ZMAT1: variants seen among roughly 807,000 people sequenced by gnomAD.
ZMAT1 encodes the protein zinc finger matrin-type 1.
In ZMAT1, 11 loss-of-function variants were observed where a neutral mutation model predicts 18.5. The observed-to-expected ratio is 0.59, with a 90% CI of 0.37 to 0.98. The LOEUF (loss-of-function observed/expected upper bound fraction) is 0.98. Ranked by LOEUF, ZMAT1 falls within the 50% of genes least tolerant of loss-of-function variation. The probability of loss-of-function intolerance (pLI) is 0.01; values close to 1 mark genes in which losing one functional copy is unlikely to be tolerated. For missense variants in ZMAT1, 525 were observed against 496.2 expected, an observed-to-expected ratio of 1.06 and a Z score of -0.55; for synonymous variants, 211 against 176.4, an observed-to-expected ratio of 1.20 and a Z score of -1.55.
intron 1 of ZMAT1, among the ~76,000 whole-genome samples, chrX:101,904,967 C>T (rs764614864): frequency 9.0e-6 from 1 of 111,107 alleles, no homozygotes; most frequent in South Asian, 3.8e-4. Flanking sequence ...AACCTGAAAA[C>T]CAACCAAACA....
chrX:101,897,008 CTT>C (rs367923447), intron 4 of ZMAT1, among the ~76,000 whole-genome samples: 1 of 108,628 alleles, frequency 9.2e-6, no homozygotes, highest in African/African-American at 3.3e-5. Context: ...GAGTCAGTAA[CTT>C]TTTTTTTGCC....
At chrX:101,927,840 A>C (rs1930150980) in intron 1 of ZMAT1, among the ~76,000 whole-genome samples, 1 of 112,366 alleles carries the variant, frequency 8.9e-6, no homozygotes, top group African/African-American at 3.2e-5. Context: ...ATCCTAACTG[A>C]TATGTAATAA....
chrX:101,921,090 G>T (rs767123780), intron 1 of ZMAT1, among the ~76,000 whole-genome samples: 1 of 109,972 alleles, frequency 9.1e-6, no homozygotes, highest in East Asian at 2.8e-4. Context: ...TTAATTCTCC[G>T]AAGTTGAGGC....
chrX:101,919,701 C>T (rs1009065275), intron 1 of ZMAT1, among the ~76,000 whole-genome samples: 8 of 111,153 alleles, frequency 7.2e-5, no homozygotes, highest in Non-Finnish European at 1.1e-4. Flanking sequence ...TGATTTTGAA[C>T]GAAACTTTAA....
intron 1 of ZMAT1, among the ~76,000 whole-genome samples, chrX:101,917,611 C>T (rs1929422078): frequency 8.9e-6 from 1 of 112,416 alleles, no homozygotes; most frequent in East Asian, 2.8e-4. Flanking sequence ...AGTACAACTA[C>T]TAAGGAGACC....
At chrX:101,911,418 C>G (rs1166659852) in intron 1 of ZMAT1, 1 of 433,316 alleles carries the variant, frequency 2.3e-6, no homozygotes, top group East Asian at 4.2e-5. Context: ...GTATAAACTA[C>G]TCTTATCCTA....
chrX:101,884,257 A>C lies in ZMAT1; in HGVS notation c.1341T>G (p.Asp447Glu). 8.3e-7 allele frequency: 1 copy of C among 1,203,719 alleles called. No individual in the cohort carries two copies. Among genetic ancestry groups the C allele is most frequent in the Non-Finnish European group, 1.1e-6 (1 of 892,370 alleles). ...WLPTHSKRTYDSFQDELEDYI... is the reference protein window; with the variant it reads ...WLPTHSKRTYESFQDELEDYI... Reference sequence around the variant, plus strand: ...AATCTTCAAGTTCATCTTGGAAAGAATCATATGTCCTCTTTGAATGGGTTG... The same window carrying C: ...AATCTTCAAGTTCATCTTGGAAAGACTCATATGTCCTCTTTGAATGGGTTG... Residue 447 changes from aspartate to glutamate, a missense_variant, in exon 6 of 6, where the codon GAT becomes GAG. Physicochemically the swap from Asp to Glu is conservative, Grantham distance 45. Transcript: ENST00000651725.
chrX:101,911,671 C>T, intron 1 of ZMAT1: 1 of 1,206,788 alleles, frequency 8.3e-7, no homozygotes, highest in South Asian at 1.8e-5. Context: ...ACGAATGCAA[C>T]CAGTGTGGCA....
At chrX:101,889,699 A>G (rs189433423) in intron 4 of ZMAT1, 1 of 111,697 alleles carries the variant, frequency 9.0e-6, no homozygotes, top group Non-Finnish European at 1.9e-5. Flanking sequence ...CTGGTCTAAC[A>G]TCTTAAACGG....
At position 101,898,233 on chromosome X, in the gene ZMAT1, A is replaced by G. The variant is rs370545442; in HGVS notation, c.400-13T>C. On this transcript the variant is annotated splice_polypyrimidine_tract_variant and intron_variant, in intron 2 of 5. Transcript: ENST00000651725. ...CATGTTTTTCACCCTGAAAAAAGAT[A>G]TAATATGACTTTGTTTATTCAATAA... 7.6e-6 allele frequency: 9 copies of G among 1,176,635 alleles called. No individual in the cohort carries two copies. The African/African-American group carries it at 1.4e-4, about 19-fold the overall frequency.
chrX:101,911,379 A>G (rs1928952219), intron 1 of ZMAT1: 1 of 296,380 alleles, frequency 3.4e-6, no homozygotes, highest in Non-Finnish European at 5.8e-6. Context: ...ACAGAAAACC[A>G]CAGAATATTA....
chrX:101,914,702 TA>T lies in ZMAT1; in HGVS notation c.293-10373del, dbSNP rs772684693. ...ACAAGTAATGAGATAGAAGCCATAATAAAAAAAAATTCTCAGTAAAGAAAAG... is the reference window on the plus strand; with the variant it reads ...ACAAGTAATGAGATAGAAGCCATAATAAAAAAAATTCTCAGTAAAGAAAAG... On this transcript the variant is annotated intron_variant, in intron 1 of 5. Coordinates refer to ENST00000651725, the MANE Select transcript of ZMAT1 (RefSeq NM_001394560.1). 3.5e-3 allele frequency among the ~76,000 whole-genome samples: 383 copies of T among 109,917 alleles called. 1 individual carries two copies. The highest frequency in any genetic ancestry group is 0.011 in the African/African-American group (349 of 30,374).
chrX:101,917,048 A>G (rs1929382462), intron 1 of ZMAT1, among the ~76,000 whole-genome samples: 2 of 112,387 alleles, frequency 1.8e-5, no homozygotes, highest in African/African-American at 6.5e-5. Flanking sequence ...AAAATGCATT[A>G]AAGACTTAAA....
chrX:101,905,879 C>T (rs1603279333), intron 1 of ZMAT1, among the ~76,000 whole-genome samples: 2 of 86,905 alleles, frequency 2.3e-5, no homozygotes, highest in East Asian at 3.0e-4. Context: ...TTCACAAGAG[C>T]CAAAAAACTA....
chrX:101,905,979 G>T (rs1224180139), intron 1 of ZMAT1, among the ~76,000 whole-genome samples: 2 of 110,940 alleles, frequency 1.8e-5, no homozygotes, highest in African/African-American at 6.5e-5. Context: ...GTAGGAAAGA[G>T]AGTTTTACAC....
chrX:101,892,157 T>C (rs767496483), intron 4 of ZMAT1, among the ~76,000 whole-genome samples: 13 of 110,583 alleles, frequency 1.2e-4, no homozygotes, highest in Non-Finnish European at 2.1e-4. Context: ...GGAAACAGAT[T>C]AAGTAGGACT....
At chrX:101,897,734 C>A in intron 4 of ZMAT1, 134 bp downstream of exon 4, 1 of 516,825 alleles carries the variant, frequency 1.9e-6, no homozygotes, top group Non-Finnish European at 3.0e-6. Context: ...CAGAGATTAA[C>A]TGGGAAGAAG....
rs5944882 is a variant in ZMAT1 at position 101,883,820 on chromosome X, C to T, written c.1778G>A (p.Arg593Gln). 5.0e-5 allele frequency: 60 copies of T among 1,207,414 alleles called. No homozygotes were observed. The highest frequency in any genetic ancestry group is 6.4e-5 in the Non-Finnish European group (57 of 894,481). Residue 593 changes from arginine to glutamine, a missense_variant, in exon 6 of 6, where the codon CGG (arginine) becomes CAG (glutamine). Physicochemically the swap from Arg to Gln is conservative, Grantham distance 43. Coordinates refer to ENST00000651725, the MANE Select transcript of ZMAT1 (RefSeq NM_001394560.1). Reference protein sequence around the residue: ...NTADHQAGHKRKHQKRKRHLE... With the variant: ...NTADHQAGHKQKHQKRKRHLE... ...GTGTCGTTTTCTCTTCTGATGTTTC[C>T]GTTTATGACCTGCTTGATGGTCAGC...
At chrX:101,904,641 G>A (rs1282269244) in intron 1 of ZMAT1, among the ~76,000 whole-genome samples, 1 of 111,105 alleles carries the variant, frequency 9.0e-6, no homozygotes, top group Admixed American at 9.6e-5. Context: ...ATTAAAGGCT[G>A]GATTTAAAAA....
Sources: gnomAD v4.1 joint callset for allele counts (sites outside exome capture counted in the v4.1 genomes callset) on GRCh38, gnomAD v4.1.1 for gene constraint, MANE v1.5 for transcripts, NCBI Gene and HGNC (gene_info 2026-07-23, HGNC 2026-07-21) for gene names.